The following ACTR3C variants were observed in gnomAD, a reference collection of about 807,000 sequenced individuals.
ACTR3C encodes actin-related protein 3C.
In ACTR3C, 18 loss-of-function variants were observed where a neutral mutation model predicts 26.3. That is an observed-to-expected ratio of 0.68 (90% CI 0.47 to 1.01). The LOEUF is 1.01. ACTR3C is among the 50% of genes least tolerant of loss of function. The probability of loss-of-function intolerance (pLI) is 0.00; values close to 1 mark genes in which losing one functional copy is unlikely to be tolerated. For missense variants in ACTR3C, 184 were observed against 250.7 expected (o/e 0.73, Z 1.80); for synonymous variants, 55 against 94.5 (o/e 0.58, Z 2.42).
At chr7:149,895,228 A>G in the ACTR3C span, among the ~76,000 whole-genome samples, 1 of 151,710 alleles carries the variant, frequency 6.6e-6, no homozygotes, top group Admixed American at 6.6e-5. Flanking sequence ...TGGTGGTTAC[A>G]GGGGGCTGAG....
chr7:149,957,612 G>C, the ACTR3C span, among the ~76,000 whole-genome samples: 2 of 152,216 alleles, frequency 1.3e-5, no homozygotes, highest in African/African-American at 4.8e-5. Context: ...GCCTTGGACT[G>C]AAAGTTACAC....
chr7:149,980,923 G>C, the ACTR3C span, among the ~76,000 whole-genome samples: 1 of 151,656 alleles, frequency 6.6e-6, no homozygotes, highest in South Asian at 2.1e-4. Flanking sequence ...TTCAGAACTT[G>C]AACTCTCAAA....
the ACTR3C span, among the ~76,000 whole-genome samples, chr7:150,189,396 T>C: frequency 4.6e-5 from 7 of 152,202 alleles, no homozygotes; most frequent in South Asian, 1.4e-3. Context: ...AAATATCTTG[T>C]GTGTGCACGT....
intron 2 of ACTR3C, among the ~76,000 whole-genome samples, chr7:150,294,815 G>T (rs1014049512): frequency 6.6e-6 from 1 of 151,260 alleles, no homozygotes; most frequent in Admixed American, 6.6e-5. Flanking sequence ...ACCAAGAACC[G>T]CAGCTTCAGA....
the ACTR3C span, among the ~76,000 whole-genome samples, chr7:150,083,083 C>T: frequency 6.6e-6 from 1 of 150,544 alleles, no homozygotes; most frequent in African/African-American, 2.4e-5. Flanking sequence ...GTAGCTGGGA[C>T]TACAGGCACA....
chr7:150,107,235 T>A, the ACTR3C span, among the ~76,000 whole-genome samples: 3 of 149,120 alleles, frequency 2.0e-5, no homozygotes, highest in Non-Finnish European at 4.5e-5. Flanking sequence ...TAAAGTATCT[T>A]TGAGGCAGAG....
At chr7:150,150,653 G>A in the ACTR3C span, among the ~76,000 whole-genome samples, 4 of 138,182 alleles carry the variant, frequency 2.9e-5, no homozygotes, top group Admixed American at 1.5e-4. Context: ...TTTGCTTTTC[G>A]GTGTCGTATA....
the ACTR3C span, among the ~76,000 whole-genome samples, chr7:150,211,452 T>C: frequency 6.6e-6 from 1 of 151,656 alleles, no homozygotes; most frequent in African/African-American, 2.4e-5. Context: ...TGGCTAATTT[T>C]TGTATTTTAG....
chr7:149,997,327 T>C, the ACTR3C span, among the ~76,000 whole-genome samples: 1 of 152,284 alleles, frequency 6.6e-6, no homozygotes, highest in Non-Finnish European at 1.5e-5. Context: ...GCCATTTCCC[T>C]GACCCTCTAT....
the ACTR3C span, among the ~76,000 whole-genome samples, chr7:150,035,665 A>G: frequency 4.5e-5 from 6 of 134,724 alleles, 2 homozygotes; most frequent in African/African-American, 1.1e-4. Context: ...GCAGTCCTCC[A>G]GGTGGGTCCT....
chr7:150,084,025 C>T, the ACTR3C span, among the ~76,000 whole-genome samples: 2 of 152,156 alleles, frequency 1.3e-5, no homozygotes, highest in African/African-American at 4.8e-5. Context: ...TATCTGCACA[C>T]CCAGCTAATT....
At chr7:149,956,753 T>C in the ACTR3C span, among the ~76,000 whole-genome samples, 1 of 151,906 alleles carries the variant, frequency 6.6e-6, no homozygotes, top group Non-Finnish European at 1.5e-5. Context: ...TGAGTGCACA[T>C]TTAAAATCAT....
chr7:150,301,637 A>C (rs542102824), intron 1 of ACTR3C, among the ~76,000 whole-genome samples: 404 of 152,194 alleles, frequency 2.7e-3, no homozygotes, highest in Admixed American at 4.6e-3. Context: ...ATTATATGAA[A>C]GCTTCCAGAG....
At chr7:150,092,611 A>C in the ACTR3C span, among the ~76,000 whole-genome samples, 4 of 150,340 alleles carry the variant, frequency 2.7e-5, no homozygotes, top group Non-Finnish European at 5.9e-5. Flanking sequence ...TCATTGCCTT[A>C]CGGTCATTAA....
the ACTR3C span, among the ~76,000 whole-genome samples, chr7:150,043,450 T>G: frequency 1.3e-5 from 2 of 152,222 alleles, no homozygotes; most frequent in Non-Finnish European, 2.9e-5. Context: ...CTTTTTTGCT[T>G]CTTGTACTAG....
the ACTR3C span, among the ~76,000 whole-genome samples, chr7:150,103,274 A>T: frequency 4.6e-5 from 7 of 152,054 alleles, no homozygotes; most frequent in African/African-American, 1.5e-4. Context: ...CGTTCACCAG[A>T]TAAACAAGAT....
the ACTR3C span, among the ~76,000 whole-genome samples, chr7:149,909,073 C>G: frequency 1.3e-5 from 2 of 151,562 alleles, no homozygotes; most frequent in East Asian, 3.9e-4. Context: ...TGAGCCACCA[C>G]GCCCAGCCAA....
chr7:150,258,960 T>C (rs367765242), intron 6 of ACTR3C, among the ~76,000 whole-genome samples: 135 of 152,004 alleles, frequency 8.9e-4, no homozygotes, highest in African/African-American at 3.1e-3. Flanking sequence ...CAGGCAACCA[T>C]TGATTTGATA....
At chr7:150,300,357 AAAC>A (rs1262644276) in intron 1 of ACTR3C, among the ~76,000 whole-genome samples, 1 of 152,208 alleles carries the variant, frequency 6.6e-6, no homozygotes, top group African/African-American at 2.4e-5. Flanking sequence ...ATCTCAAAAA[AAAC>A]AACAACAAAA....
Sources: gnomAD v4.1 joint callset for allele counts (sites outside exome capture counted in the v4.1 genomes callset) on GRCh38, gnomAD v4.1.1 for gene constraint, MANE v1.5 for transcripts, NCBI Gene and HGNC (gene_info 2026-07-23, HGNC 2026-07-21) for gene names.